Variants in SCN11A observed in about 807,000 individuals in gnomAD.
SCN11A encodes sodium channel protein type 11 subunit alpha.
In SCN11A, 122 loss-of-function variants were observed where a neutral mutation model predicts 162.2. That is an observed-to-expected ratio of 0.75 (90% CI 0.65 to 0.87). The LOEUF (loss-of-function observed/expected upper bound fraction) is 0.87. Ranked by LOEUF, SCN11A falls within the 40% of genes least tolerant of loss-of-function variation. The pLI is 0.00. For missense variants in SCN11A, 2,015 were observed against 2,181.6 expected (o/e 0.92, Z 1.52); for synonymous variants, 758 against 751.5 (o/e 1.01, Z -0.14).
Position 38,850,586 on chromosome 3 carries a change from T to G in SCN11A, c.4222A>C (p.Ile1408Leu). Residue 1408 changes from isoleucine to leucine, a missense_variant, in exon 29 of 30, where the codon ATC becomes CTC. Ile to Leu is a conservative substitution (Grantham distance 5). Coordinates refer to ENST00000302328, the MANE Select transcript of SCN11A (RefSeq NM_001349253.2). ...LDHLNWVFVV[I>L]FTLECLIKIF... ...TTGATGAGACATTCTAACGTAAAGA[T>G]GACCACAAAGACCCAGTTGAGATGG... 1 of 1,614,012 alleles carries G rather than the reference T, an allele frequency of 6.2e-7. No homozygotes were observed. The highest frequency in any genetic ancestry group is 8.5e-7 in the Non-Finnish European group (1 of 1,179,910).
In SCN11A at chr3:38,945,499, A is replaced by C. The variant is rs1363503307; in HGVS notation, c.400T>G (p.Phe134Val). The C allele has an allele frequency of 1.9e-6, 3 of 1,568,804 alleles. No homozygotes were observed. In the African/African-American group the frequency reaches 4.1e-5, roughly 21 times the overall value. Reference protein sequence around the residue: ...RVSVHSLFSMFIIGTVIINCV... With the variant: ...RVSVHSLFSMVIIGTVIINCV... ...TTGATGATAACGGTGCCGATAATGA[A>C]CATGCTGAACAATGTGGCCAGCATC... The change falls in exon 7 of 30, where the codon TTC becomes GTC. Residue 134 changes from phenylalanine (F) to valine (V), a missense_variant. Phe to Val is a conservative substitution (Grantham distance 50). Coordinates refer to ENST00000302328, the MANE Select transcript of SCN11A (RefSeq NM_001349253.2).
chr3:38,932,025 C>A (rs755619495), intron 7 of SCN11A, among the ~76,000 whole-genome samples: 1 of 152,050 alleles, frequency 6.6e-6, no homozygotes, highest in African/African-American at 2.4e-5. Flanking sequence ...TCAGATACCA[C>A]AAATGTTACT....
intron 19 of SCN11A, among the ~76,000 whole-genome samples, chr3:38,888,703 A>G (rs1182685828): frequency 1.3e-5 from 2 of 152,254 alleles, no homozygotes; most frequent in African/African-American, 4.8e-5. Flanking sequence ...TCTAGAAATT[A>G]TTCTGAGAGT....
chr3:39,051,615 T>G (rs78830834), intron 1 of SCN11A, among the ~76,000 whole-genome samples: 95 of 152,308 alleles, frequency 6.2e-4, no homozygotes, highest in Non-Finnish European at 9.6e-4. Flanking sequence ...AGTAAATCAC[T>G]TGGTTCACTT....
chr3:38,975,220 A>C (rs1470279489), intron 2 of SCN11A, among the ~76,000 whole-genome samples: 2 of 152,012 alleles, frequency 1.3e-5, no homozygotes, highest in Non-Finnish European at 2.9e-5. Flanking sequence ...GAAAATCCTA[A>C]AAAATATACT....
chr3:38,859,362 G>A (rs575827002), intron 28 of SCN11A, among the ~76,000 whole-genome samples: 3 of 151,898 alleles, frequency 2.0e-5, no homozygotes, highest in South Asian at 2.1e-4. Context: ...ACAGAAATAC[G>A]AAAGATCATT....
chr3:38,934,568 G>T (rs1290322729), intron 7 of SCN11A, among the ~76,000 whole-genome samples: 1 of 151,838 alleles, frequency 6.6e-6, no homozygotes, highest in Non-Finnish European at 1.5e-5. Flanking sequence ...AAAAGGCAGG[G>T]GTTGCAATCC....
chr3:38,917,727 A>G (rs1280636045), intron 11 of SCN11A, among the ~76,000 whole-genome samples: 3 of 152,172 alleles, frequency 2.0e-5, no homozygotes, highest in African/African-American at 7.2e-5. Context: ...TAGATTTAAT[A>G]CCTGGGTGAT....
intron 14 of SCN11A, among the ~76,000 whole-genome samples, chr3:38,906,070 C>A (rs1323677499): frequency 2.6e-5 from 4 of 152,144 alleles, no homozygotes; most frequent in Non-Finnish European, 4.4e-5. Flanking sequence ...TGAGATCTCT[C>A]CCTATTACTA....
chr3:38,981,537 T>TG lies in SCN11A; in HGVS notation c.-279-21115_-279-21114insC, dbSNP rs2030055079. On this transcript the variant is annotated intron_variant, in intron 2 of 29. Transcript: ENST00000302328. The stretch of plus-strand genomic sequence containing the variant: ...GTGTTTCTGTGTTGTGTGTGTGTGT[T>TG]TGTGTGTGTGTGTGTGTGTGTGTGT... 4.8e-5 allele frequency among the ~76,000 whole-genome samples: 7 copies of TG among 145,868 alleles called. No individual in the cohort carries two copies. In the South Asian group the frequency reaches 1.1e-3, roughly 23 times the overall value.
At position 38,921,246 on chromosome 3, in the gene SCN11A, A is replaced by G. The variant is rs1282362874; in HGVS notation, c.722T>C (p.Val241Ala). The change falls in exon 10 of 30, where the codon GTC (valine) becomes GCC (alanine). Residue 241 changes from valine (V) to alanine (A), a missense_variant. Coordinates refer to ENST00000302328, the MANE Select transcript of SCN11A (RefSeq NM_001349253.2). Reference sequence around the variant, plus strand: ...AGAGCGTAGCAAGGCCCCCACGATGACCTTCAGACCTGAGAAAGAGGACAG... The same window carrying G: ...AGAGCGTAGCAAGGCCCCCACGATGGCCTTCAGACCTGAGAAAGAGGACAG... ...KAISVVSRLK[V>A]IVGALLRSVK... 1 of 1,613,736 alleles carries G rather than the reference A, an allele frequency of 6.2e-7. No individual in the cohort carries two copies. Among genetic ancestry groups the G allele is most frequent in the Non-Finnish European group, 8.5e-7 (1 of 1,179,804 alleles).
intron 2 of SCN11A, among the ~76,000 whole-genome samples, chr3:38,994,837 C>T (rs1351557861): frequency 1.3e-5 from 2 of 152,120 alleles, no homozygotes; most frequent in African/African-American, 4.8e-5. Flanking sequence ...GGGGGAGAGA[C>T]TCACATGGCC....
chr3:38,850,301 C>T (rs1404491914), intron 29 of SCN11A, 180 bp downstream of exon 29: 1 of 596,872 alleles, frequency 1.7e-6, no homozygotes, highest in Non-Finnish European at 2.9e-6. Context: ...AGAAATTACT[C>T]TCTATCTCCT....
intron 2 of SCN11A, among the ~76,000 whole-genome samples, chr3:38,967,193 T>C (rs2066788277): frequency 6.6e-6 from 1 of 152,198 alleles, no homozygotes; most frequent in Non-Finnish European, 1.5e-5. Flanking sequence ...AGCCCAATGA[T>C]CCGTATCTCC....
chr3:38,907,308 ATATG>A lies in SCN11A; in HGVS notation c.1473+637_1473+640del, dbSNP rs1452635896. Among the ~76,000 whole-genome samples, 295 of 33,826 alleles carry A rather than the reference ATATG, an allele frequency of 8.7e-3. 2 individuals are homozygous for A. Among genetic ancestry groups the A allele is most frequent in the African/African-American group, 0.019 (284 of 14,792 alleles). The allele number at this position is 33,826 out of a possible 152,430, so 22.2% of individuals were successfully genotyped here. ...AAAGTTGGTATATATATACCAACAT[ATATG>A]TGTGTGTGTGTGTGTGTGTGTGTGT... On this transcript the variant is annotated intron_variant, in intron 14 of 29. Transcript: ENST00000302328.
At chr3:38,881,931 C>A (rs894074516) in intron 22 of SCN11A, among the ~76,000 whole-genome samples, 2 of 152,114 alleles carry the variant, frequency 1.3e-5, no homozygotes, top group African/African-American at 2.4e-5. Context: ...GGCATTTTTG[C>A]TGTGGCCTTT....
intron 2 of SCN11A, among the ~76,000 whole-genome samples, chr3:38,965,712 A>G (rs542500423): frequency 4.6e-5 from 7 of 151,402 alleles, no homozygotes; most frequent in Middle Eastern, 3.4e-3. Context: ...TTTTTTTTTC[A>G]TATGACAAGG....
chr3:38,901,658 G>T (rs2065701842), intron 16 of SCN11A, among the ~76,000 whole-genome samples: 1 of 152,204 alleles, frequency 6.6e-6, no homozygotes, highest in Non-Finnish European at 1.5e-5. Flanking sequence ...TGCATCAGAG[G>T]AGGGAAGTTT....
chr3:39,023,145 G>A (rs1314419686), intron 2 of SCN11A, among the ~76,000 whole-genome samples: 13 of 152,262 alleles, frequency 8.5e-5, no homozygotes, highest in African/African-American at 2.6e-4. Context: ...TGATTTCTGC[G>A]ATTTGCTTCA....
Sources: gnomAD v4.1 joint callset for allele counts (sites outside exome capture counted in the v4.1 genomes callset) on GRCh38, gnomAD v4.1.1 for gene constraint, MANE v1.5 for transcripts, NCBI Gene and HGNC (gene_info 2026-07-23, HGNC 2026-07-21) for gene names.